Variants in RNF167 observed in about 807,000 individuals in gnomAD.
RNF167 encodes the protein E3 ubiquitin-protein ligase RNF167.
RNF167 carries 19 observed loss-of-function variants against 34.8 expected under a neutral mutation model. That is an observed-to-expected ratio of 0.55 (90% CI 0.38 to 0.80). The LOEUF is 0.80. RNF167 is among the 30% of genes least tolerant of loss of function. RNF167 has a pLI of 0.00. For synonymous variants in RNF167, 200 were observed against 170.4 expected, an observed-to-expected ratio of 1.17 and a Z score of -1.35; for missense variants, 464 against 447.0, an observed-to-expected ratio of 1.04 and a Z score of -0.34.
chr17:4,943,212 C>T lies in RNF167; in HGVS notation c.504C>T (p.Phe168=), dbSNP rs568978871. ...ARVLLVPDNT[F]PLGYYLIPFT... ...TGCTTCTGGTTCCAGACAATACCTTCCCCTTGGGCTATTACCTCATCCCTT... is the reference window on the plus strand; with the variant it reads ...TGCTTCTGGTTCCAGACAATACCTTTCCCTTGGGCTATTACCTCATCCCTT... The change falls in exon 7 of 10, where the codon TTC becomes TTT. Residue 168 remains phenylalanine, a synonymous_variant. Coordinates refer to ENST00000262482, the MANE Select transcript of RNF167 (RefSeq NM_015528.3). The T allele has an allele frequency of 1.9e-6, 3 of 1,614,136 alleles. No homozygotes were observed. The highest frequency in any genetic ancestry group is 2.5e-6 in the Non-Finnish European group (3 of 1,180,020).
intron 6 of RNF167, 30 bp downstream of exon 6, chr17:4,942,971 C>T: frequency 1.9e-6 from 3 of 1,601,860 alleles, no homozygotes; most frequent in Non-Finnish European, 2.6e-6. Flanking sequence ...CCCATTCTTC[C>T]TTCAGCAAGC....
chr17:4,943,387 T>C, intron 7 of RNF167, 39 bp from the exon 8 acceptor site: 1 of 1,598,760 alleles, frequency 6.3e-7, no homozygotes, highest in Non-Finnish European at 8.6e-7. Context: ...TGTCTAGTTT[T>C]GTTCCTAAGC....
chr17:4,944,764 C>T lies in RNF167; in HGVS notation c.801C>T (p.Thr267=). The change falls in exon 10 of 10, where the codon ACC becomes ACT. Residue 267 remains threonine, a synonymous_variant. Transcript: ENST00000262482. The part of the protein sequence containing the change: ...VDPWLTQTRK[T]CPICKQPVHR... ...CCTGGCTCACTCAGACCCGGAAGACCTGCCCCATTTGCAAGCAGCCTGTTC... is the reference window on the plus strand; with the variant it reads ...CCTGGCTCACTCAGACCCGGAAGACTTGCCCCATTTGCAAGCAGCCTGTTC... 1 of 1,613,098 alleles carries T rather than the reference C, an allele frequency of 6.2e-7. No homozygotes were observed. The highest frequency in any genetic ancestry group is 2.2e-5 in the East Asian group (1 of 44,874).
intron 3 of RNF167, 132 bp downstream of exon 3, chr17:4,941,289 G>A (rs758360581): frequency 1.3e-4 from 99 of 777,012 alleles, no homozygotes; most frequent in Non-Finnish European, 2.0e-4. Flanking sequence ...TGAAACTGGA[G>A]GTAGGAAAAT....
At chr17:4,941,022 G>A in intron 2 of RNF167, 29 bp downstream of exon 2, 1 of 1,613,870 alleles carries the variant, frequency 6.2e-7, no homozygotes, top group Non-Finnish European at 8.5e-7. Context: ...TGGGGAAAGG[G>A]CGCTGAAAGG....
At position 4,943,408 on chromosome 17, in the gene RNF167, C is replaced by T. The variant is rs553412180; in HGVS notation, c.577-18C>T. 1.6e-5 allele frequency: 25 copies of T among 1,610,644 alleles called. No homozygotes were observed. The highest frequency in any genetic ancestry group is 1.7e-4 in the Middle Eastern group (1 of 6,058). ...GTTTTGTTCCTAAGCCTTGTCCATC[C>T]ACCCCCGCTTCCCCCAGATAGCTCG... On this transcript the variant is annotated intron_variant, in intron 7 of 9. Transcript: ENST00000262482.
intron 8 of RNF167, 140 bp downstream of exon 8, chr17:4,943,659 G>C: frequency 1.4e-6 from 1 of 722,938 alleles, no homozygotes; most frequent in South Asian, 1.7e-5. Flanking sequence ...TCTAATCCCA[G>C]TACTTTGGGA....
At position 4,940,967 on chromosome 17, in the gene RNF167, G is replaced by T. The variant is rs1970735167; in HGVS notation, c.58G>T (p.Ala20Ser). 6.2e-7 allele frequency: 1 copy of T among 1,609,422 alleles called. No individual in the cohort carries two copies. The highest frequency in any genetic ancestry group is 2.2e-5 in the East Asian group (1 of 44,700). ...VVVAAVLWGAAPTRGLIRATS... is the reference protein window; with the variant it reads ...VVVAAVLWGASPTRGLIRATS... ...TGTGGCCGCTGTGCTGTGGGGAGCG[G>T]CCCCGACCCGGGGGCTCATTCGAGC... The change falls in exon 2 of 10, where the codon GCC becomes TCC. Residue 20 changes from alanine (A) to serine (S), a missense_variant. By Grantham distance (99) the Ala-to-Ser change is moderately conservative (BLOSUM62 1). Coordinates refer to ENST00000262482, the MANE Select transcript of RNF167 (RefSeq NM_015528.3).
At position 4,943,179 on chromosome 17, in the gene RNF167, G is replaced by A; in HGVS notation, c.471G>A (p.Gly157=). 6.2e-7 allele frequency: 1 copy of A among 1,613,632 alleles called. No individual in the cohort carries two copies. The highest frequency in any genetic ancestry group is 1.1e-5 in the South Asian group (1 of 91,000). The change falls in exon 7 of 10, where the codon GGG becomes GGA. Residue 157 remains glycine, a splice_region_variant and synonymous_variant. Transcript: ENST00000262482. ...CTGAGACTGGTCATCCTTTTCCCAG[G>A]GCTCGGGTGCTTCTGGTTCCAGACA... The part of the protein sequence containing the change: ...YLRALFVYEK[G]ARVLLVPDNT...
Position 4,944,951 on chromosome 17 carries a change from G to A in RNF167, c.988G>A (p.Val330Ile). 1 of 1,603,210 alleles carries A rather than the reference G, an allele frequency of 6.2e-7. No individual in the cohort carries two copies. Among genetic ancestry groups the A allele is most frequent in the Non-Finnish European group, 8.5e-7 (1 of 1,174,926 alleles). Residue 330 changes from valine to isoleucine, a missense_variant, in exon 10 of 10, where the codon GTT becomes ATT. Coordinates refer to ENST00000262482, the MANE Select transcript of RNF167 (RefSeq NM_015528.3). ...TGGTTCCTTAGCCCCAGCTCCCCTT[G>A]TTTTTCCTGGGCCTTCAACAGATCC... ...SFGSLAPAPLVFPGPSTDPPL... is the reference protein window; with the variant it reads ...SFGSLAPAPLIFPGPSTDPPL...
upstream of RNF167, chr17:4,940,180 A>G: frequency 2.7e-6 from 1 of 371,744 alleles, no homozygotes. Context: ...TCACCGAATT[A>G]GAATCGCGGG....
chr17:4,942,319 G>A (rs756306274), intron 3 of RNF167, 22 bp from the exon 4 acceptor site: 4 of 1,609,302 alleles, frequency 2.5e-6, no homozygotes, highest in South Asian at 2.2e-5. Flanking sequence ...AAATCTCACT[G>A]TTGTTTGCTT....
chr17:4,943,461 G>T lies in RNF167; in HGVS notation c.612G>T (p.Gln204His). The T allele has an allele frequency of 6.2e-7, 1 of 1,614,046 alleles. No homozygotes were observed. The highest frequency in any genetic ancestry group is 1.1e-5 in the South Asian group (1 of 91,044). Residue 204 changes from glutamine to histidine, a missense_variant, in exon 8 of 10, where the codon CAG becomes CAT. Transcript: ENST00000262482. ...GTATCCAGCACCGGAAACGGCTCCA[G>T]CGGAATCGACTTACCAAAGAGCAAC... ...ARCIQHRKRL[Q>H]RNRLTKEQLK...
intron 8 of RNF167, chr17:4,944,323 A>C: frequency 3.1e-6 from 3 of 964,652 alleles, no homozygotes; most frequent in Non-Finnish European, 4.0e-6. Context: ...TCCACTCCCT[A>C]TCTCCACCCT....
chr17:4,942,094 A>C (rs1381450417), intron 3 of RNF167, among the ~76,000 whole-genome samples: 4 of 152,140 alleles, frequency 2.6e-5, no homozygotes, highest in African/African-American at 7.2e-5. Context: ...AGTATAGGGT[A>C]CAGATTAGCC....
chr17:4,943,113 C>G, intron 6 of RNF167, 66 bp from the exon 7 acceptor site: 1 of 1,452,086 alleles, frequency 6.9e-7, no homozygotes, highest in Admixed American at 1.8e-5. Flanking sequence ...GAGCCAGTTA[C>G]TTTGTCCCTC....
At chr17:4,944,523 C>A in intron 8 of RNF167, 35 bp from the exon 9 acceptor site, 1 of 1,537,234 alleles carries the variant, frequency 6.5e-7, no homozygotes, top group South Asian at 1.3e-5. Flanking sequence ...CATTGTGGCT[C>A]AGTGAAGGAC....
At chr17:4,943,623 C>T in intron 8 of RNF167, 104 bp downstream of exon 8, 1 of 930,410 alleles carries the variant, frequency 1.1e-6, no homozygotes, top group Non-Finnish European at 1.7e-6. Context: ...TGGCCGGGCA[C>T]AGTGGCTCAC....
In RNF167 at chr17:4,941,082, G is replaced by C. The variant is rs755206343; in HGVS notation, c.90G>C (p.Ser30=). 6.2e-7 allele frequency: 1 copy of C among 1,614,110 alleles called. No homozygotes were observed. The highest frequency in any genetic ancestry group is 2.2e-5 in the East Asian group (1 of 44,894). ...ATCGCCTTTTTTGTCCGCAGACCTC[G>C]GACCACAATGCCAGCATGGACTTTG... The part of the protein sequence containing the change: ...APTRGLIRAT[S]DHNASMDFAD... The change falls in exon 3 of 10, where the codon TCG becomes TCC. Residue 30 remains serine, a synonymous_variant. Transcript: ENST00000262482.
Sources: allele counts gnomAD v4.1 joint callset (sites outside exome capture counted in the v4.1 genomes callset), GRCh38; gene constraint gnomAD v4.1.1; transcripts MANE v1.5; gene names NCBI Gene and HGNC (gene_info 2026-07-23, HGNC 2026-07-21).